The following UMAD1 variants were observed in gnomAD, a reference collection of about 807,000 sequenced individuals.
The protein encoded by UMAD1 is UBAP1-MVB12-associated (UMA)-domain containing protein 1.
A neutral mutation model predicts 6.1 loss-of-function variants in UMAD1; 8 were observed. The ratio of observed to expected loss-of-function variants is 1.30; its 90% CI spans 0.76 to 2.35. The LOEUF (loss-of-function observed/expected upper bound fraction) is 2.35, where lower values mean the gene tolerates loss of function less well. Ranked by LOEUF, UMAD1 falls within the 30% of genes most tolerant of loss-of-function variation. The pLI is 0.00. For missense variants in UMAD1, 130 were observed against 78.4 expected (o/e 1.66, Z -2.49); for synonymous variants, 56 against 31.4 (o/e 1.78, Z -2.61).
intron 3 of UMAD1, among the ~76,000 whole-genome samples, chr7:7,809,243 A>C (rs373366403): frequency 2.0e-4 from 30 of 151,970 alleles, no homozygotes; most frequent in East Asian, 1.2e-3. Flanking sequence ...CACACTTCTC[A>C]ATTTAGTACA....
At chr7:7,674,624 G>C (rs1779691798) in intron 2 of UMAD1, among the ~76,000 whole-genome samples, 1 of 152,022 alleles carries the variant, frequency 6.6e-6, no homozygotes, top group Admixed American at 6.6e-5. Flanking sequence ...GATTTTTCTG[G>C]GTAGCCTTCT....
At chr7:7,798,092 A>C (rs1782723871) in intron 2 of UMAD1, among the ~76,000 whole-genome samples, 1 of 152,238 alleles carries the variant, frequency 6.6e-6, no homozygotes. Context: ...ATTTTATTGG[A>C]ACACAGCCAC....
intron 2 of UMAD1, among the ~76,000 whole-genome samples, chr7:7,782,806 G>C (rs188574904): frequency 1.6e-3 from 234 of 141,888 alleles, no homozygotes; most frequent in Non-Finnish European, 2.9e-3. Context: ...GCGTGATCTT[G>C]ACTCACTGCA....
chr7:7,758,481 A>G (rs1182372836), intron 2 of UMAD1, among the ~76,000 whole-genome samples: 1 of 152,116 alleles, frequency 6.6e-6, no homozygotes, highest in Non-Finnish European at 1.5e-5. Context: ...ACCAACATCC[A>G]CATACCTACC....
At chr7:7,719,749 G>C (rs1446478435) in intron 2 of UMAD1, among the ~76,000 whole-genome samples, 4 of 152,154 alleles carry the variant, frequency 2.6e-5, no homozygotes, top group Admixed American at 6.5e-5. Flanking sequence ...GAATAATGTG[G>C]AAAGAAAGTA....
chr7:7,682,672 TC>T (rs1215079100), intron 2 of UMAD1, among the ~76,000 whole-genome samples: 1 of 152,200 alleles, frequency 6.6e-6, no homozygotes. Context: ...GTATACCAGA[TC>T]TTTAAAAAAT....
rs2115543736 is a variant in UMAD1, at chr7:7,644,187, G to A, written c.-64+3366G>A. ...ATTTGCACTCCCTGATTACTGAAAA[G>A]TTTGAACATTTTTTCAGATTTTTAT... On this transcript the variant is annotated intron_variant, in intron 1 of 3. Transcript: ENST00000682710. Among the ~76,000 whole-genome samples the A allele has an allele frequency of 1.3e-5, 2 of 152,134 alleles. 1 individual carries two copies. Among genetic ancestry groups the A allele is most frequent in the Non-Finnish European group, 2.9e-5 (2 of 67,994 alleles).
At chr7:7,731,051 G>A (rs1347348060) in intron 2 of UMAD1, among the ~76,000 whole-genome samples, 1 of 152,188 alleles carries the variant, frequency 6.6e-6, no homozygotes, top group African/African-American at 2.4e-5. Flanking sequence ...AGGCTGGAGT[G>A]CAGTGGCACC....
intron 2 of UMAD1, among the ~76,000 whole-genome samples, chr7:7,746,983 G>T (rs956799040): frequency 2.7e-5 from 4 of 149,056 alleles, no homozygotes; most frequent in African/African-American, 1.0e-4. Context: ...GTGTGTGTGT[G>T]TGTGTCTGTG....
intron 2 of UMAD1, among the ~76,000 whole-genome samples, chr7:7,676,890 A>T (rs1779754601): frequency 6.6e-6 from 1 of 151,684 alleles, no homozygotes; most frequent in Admixed American, 6.6e-5. Context: ...TATCAGGTAA[A>T]CTCTTTTTTA....
At chr7:7,754,296 A>G (rs1781734915) in intron 2 of UMAD1, among the ~76,000 whole-genome samples, 1 of 152,128 alleles carries the variant, frequency 6.6e-6, no homozygotes, top group South Asian at 2.1e-4. Context: ...AATATAAGCC[A>G]TTTTAACTCA....
chr7:7,806,485 G>A (rs1782916214), intron 3 of UMAD1, among the ~76,000 whole-genome samples: 1 of 152,122 alleles, frequency 6.6e-6, no homozygotes, highest in African/African-American at 2.4e-5. Flanking sequence ...CTATCACACT[G>A]TTAGACATAT....
intron 2 of UMAD1, among the ~76,000 whole-genome samples, chr7:7,763,187 A>G (rs940535007): frequency 6.6e-6 from 1 of 152,244 alleles, no homozygotes; most frequent in Non-Finnish European, 1.5e-5. Context: ...GATAATTGAT[A>G]TTTAATTGAA....
intron 3 of UMAD1, among the ~76,000 whole-genome samples, chr7:7,829,942 G>A (rs1783427989): frequency 6.6e-6 from 1 of 152,050 alleles, no homozygotes; most frequent in Admixed American, 6.6e-5. Context: ...TACCTTTCCT[G>A]TGCCAGGACC....
rs373675071 is a variant in UMAD1, at chr7:7,643,705, C to A, written c.-64+2884C>A. The stretch of plus-strand genomic sequence containing the variant: ...CCAACCTGGGCCACAGAGCGAGACT[C>A]CCTCTCAAAAAAAAAAAAAACAAAC... On this transcript the variant is annotated intron_variant, in intron 1 of 3. Coordinates refer to ENST00000682710, the MANE Select transcript of UMAD1 (RefSeq NM_001302348.2). Among the ~76,000 whole-genome samples, 18 of 128,882 alleles carry A rather than the reference C, an allele frequency of 1.4e-4. No individual in the cohort carries two copies. The South Asian group carries it at 3.9e-3, about 28-fold the overall frequency. 84.6% of individuals were successfully genotyped at this position (128,882 alleles called of 152,430 possible). A position where few individuals can be genotyped will look rare whatever the true frequency, so the allele number is the denominator to read the frequency against.
chr7:7,742,028 G>A, intron 2 of UMAD1: 1 of 443,684 alleles, frequency 2.3e-6, no homozygotes, highest in Non-Finnish European at 4.3e-6. Context: ...ATACTGATGT[G>A]AGACAGTTCC....
At chr7:7,809,451 G>A (rs1417003252) in intron 3 of UMAD1, among the ~76,000 whole-genome samples, 1 of 151,766 alleles carries the variant, frequency 6.6e-6, no homozygotes, top group African/African-American at 2.4e-5. Flanking sequence ...ATGTATTTAT[G>A]GGGTACGGTG....
rs78806915 is a variant in UMAD1, at chr7:7,783,396, G to GT, written c.83-18259dup. On this transcript the variant is annotated intron_variant, in intron 2 of 3. Coordinates refer to ENST00000682710, the MANE Select transcript of UMAD1 (RefSeq NM_001302348.2). ...TCTTTTGTAGAATAGAATAGAAGTT[G>GT]TTTTTTTTTTTTTTTCTAAAAGAGA... Among the ~76,000 whole-genome samples the GT allele has an allele frequency of 2.3e-3, 345 of 147,996 alleles. 3 individuals carry two copies. The highest frequency in any genetic ancestry group is 0.018 in the Middle Eastern group (5 of 284).
At chr7:7,677,833 C>T (rs944474817) in intron 2 of UMAD1, among the ~76,000 whole-genome samples, 12 of 150,936 alleles carry the variant, frequency 8.0e-5, no homozygotes, top group African/African-American at 2.7e-4. Flanking sequence ...GCCACTACGC[C>T]CGGCTAATTT....
Sources: gnomAD v4.1 joint callset for allele counts (sites outside exome capture counted in the v4.1 genomes callset) on GRCh38, gnomAD v4.1.1 for gene constraint, MANE v1.5 for transcripts, NCBI Gene and HGNC (gene_info 2026-07-23, HGNC 2026-07-21) for gene names.